GRID2: variants seen among roughly 807,000 people sequenced by gnomAD.
The protein encoded by GRID2 is glutamate ionotropic receptor delta type subunit 2.
Under a neutral mutation model 114.8 loss-of-function variants are expected in GRID2, and 33 were observed. The observed-to-expected ratio is 0.29, with a 90% confidence interval of 0.22 to 0.38. The LOEUF (loss-of-function observed/expected upper bound fraction) is 0.38. GRID2 is among the 10% of genes least tolerant of loss of function. The probability of loss-of-function intolerance (pLI) is 1.00; values close to 1 mark genes in which losing one functional copy is unlikely to be tolerated. For missense variants in GRID2, 1,184 were observed against 1,257.7 expected, an observed-to-expected ratio of 0.94 and a Z score of 0.89; for synonymous variants, 505 against 449.9, an observed-to-expected ratio of 1.12 and a Z score of -1.55.
At chr4:93,474,213 T>C (rs1725104001) in intron 11 of GRID2, among the ~76,000 whole-genome samples, 1 of 152,156 alleles carries the variant, frequency 6.6e-6, no homozygotes, top group East Asian at 1.9e-4. Flanking sequence ...GAGTTATCAC[T>C]AGAACATGAA....
intron 2 of GRID2, among the ~76,000 whole-genome samples, chr4:92,997,056 C>T (rs1285550216): frequency 2.6e-5 from 4 of 152,154 alleles, no homozygotes; most frequent in Non-Finnish European, 5.9e-5. Flanking sequence ...CAAAAAGCAT[C>T]ATCATGTTTG....
chr4:92,786,676 G>A (rs1201088135), intron 2 of GRID2, among the ~76,000 whole-genome samples: 1 of 151,670 alleles, frequency 6.6e-6, no homozygotes, highest in Non-Finnish European at 1.5e-5. Context: ...CATTATTTAG[G>A]GGTTTTAATT....
At chr4:92,317,337 G>A (rs1392016036) in intron 1 of GRID2, among the ~76,000 whole-genome samples, 3 of 152,218 alleles carry the variant, frequency 2.0e-5, no homozygotes, top group Non-Finnish European at 4.4e-5. Context: ...TTTACAAGTG[G>A]CATAACTATT....
intron 2 of GRID2, among the ~76,000 whole-genome samples, chr4:92,665,284 A>G (rs565855370): frequency 7.5e-5 from 10 of 132,650 alleles, no homozygotes; most frequent in Non-Finnish European, 1.7e-4. Context: ...TTTAACTTCA[A>G]TAACAAAAAA....
chr4:92,774,306 C>T (rs1005715909), intron 2 of GRID2, among the ~76,000 whole-genome samples: 3 of 152,088 alleles, frequency 2.0e-5, no homozygotes, highest in Admixed American at 6.6e-5. Context: ...CAACAACCCA[C>T]GGCCATGGGA....
At chr4:92,717,618 G>A (rs1735613047) in intron 2 of GRID2, among the ~76,000 whole-genome samples, 1 of 152,140 alleles carries the variant, frequency 6.6e-6, no homozygotes, top group Non-Finnish European at 1.5e-5. Context: ...TTTGAGTAAT[G>A]TAATAAATGT....
At chr4:92,518,988 A>T (rs1294655648) in intron 1 of GRID2, among the ~76,000 whole-genome samples, 1 of 151,892 alleles carries the variant, frequency 6.6e-6, no homozygotes, top group Non-Finnish European at 1.5e-5. Flanking sequence ...ATTTTCTGAC[A>T]CAGAGTTTTG....
At chr4:93,797,655 G>C (rs755433919) in intron 1 of GRID2, among the ~76,000 whole-genome samples, 24 of 152,070 alleles carry the variant, frequency 1.6e-4, no homozygotes, top group Non-Finnish European at 2.6e-4. Context: ...CAAGCTCAGA[G>C]TCAAGGCCCT....
intron 1 of GRID2, among the ~76,000 whole-genome samples, chr4:92,369,692 G>A (rs979764716): frequency 1.3e-5 from 2 of 152,112 alleles, no homozygotes; most frequent in Admixed American, 1.3e-4. Flanking sequence ...AGATGATGTT[G>A]TACATTTAGG....
At chr4:93,631,175 A>G (rs551095136) in intron 14 of GRID2, among the ~76,000 whole-genome samples, 2 of 151,694 alleles carry the variant, frequency 1.3e-5, no homozygotes, top group African/African-American at 4.8e-5. Flanking sequence ...AATGACACAC[A>G]CTTTTAACAA....
At chr4:93,008,532 C>A (rs1156728705) in intron 2 of GRID2, among the ~76,000 whole-genome samples, 1 of 151,902 alleles carries the variant, frequency 6.6e-6, no homozygotes, top group Non-Finnish European at 1.5e-5. Context: ...ACTGTTCCTG[C>A]AAGTTGTGTC....
intron 4 of GRID2, among the ~76,000 whole-genome samples, chr4:93,116,224 G>T (rs6849575): frequency 0.089 from 13,529 of 152,026 alleles, 987 homozygotes; most frequent in African/African-American, 0.2. Flanking sequence ...GTAAAAGTTC[G>T]TTCACTATTT....
intron 1 of GRID2, among the ~76,000 whole-genome samples, chr4:92,559,571 C>G (rs762489213): frequency 6.6e-6 from 1 of 152,102 alleles, no homozygotes; most frequent in Non-Finnish European, 1.5e-5. Flanking sequence ...ATCAACTTCA[C>G]CACTTTATTG....
intron 5 of GRID2, among the ~76,000 whole-genome samples, chr4:93,209,146 T>C (rs1282314313): frequency 6.6e-6 from 1 of 151,990 alleles, no homozygotes; most frequent in Non-Finnish European, 1.5e-5. Flanking sequence ...AGTTTGTATG[T>C]AGGTAAACTC....
intron 4 of GRID2, among the ~76,000 whole-genome samples, chr4:93,135,560 A>G (rs1735169764): frequency 6.6e-6 from 1 of 152,124 alleles, no homozygotes; most frequent in South Asian, 2.1e-4. Flanking sequence ...TCCTTCCTCT[A>G]CTGTATGATC....
At chr4:92,324,605 A>ACT (rs1398387860) in intron 1 of GRID2, among the ~76,000 whole-genome samples, 1 of 147,786 alleles carries the variant, frequency 6.8e-6, no homozygotes, top group East Asian at 2.0e-4. Flanking sequence ...AGACACACAC[A>ACT]CACACACACA....
At chr4:93,246,122 A>T (rs987906979) in intron 8 of GRID2, among the ~76,000 whole-genome samples, 8 of 152,298 alleles carry the variant, frequency 5.3e-5, no homozygotes, top group African/African-American at 1.9e-4. Flanking sequence ...TAATATCTAC[A>T]GTTGTATGGA....
At chr4:92,317,179 A>G (rs1397275979) in intron 1 of GRID2, among the ~76,000 whole-genome samples, 2 of 152,154 alleles carry the variant, frequency 1.3e-5, no homozygotes, top group Non-Finnish European at 2.9e-5. Flanking sequence ...CTGTTCTTTC[A>G]TATTACTAAT....
At chr4:92,497,030 A>G (rs1203416125) in intron 1 of GRID2, among the ~76,000 whole-genome samples, 1 of 151,792 alleles carries the variant, frequency 6.6e-6, no homozygotes, top group Non-Finnish European at 1.5e-5. Flanking sequence ...TATATAAGAA[A>G]GTCATAAATC....
Sources: allele counts gnomAD v4.1 joint callset (sites outside exome capture counted in the v4.1 genomes callset), GRCh38; gene constraint gnomAD v4.1.1; transcripts MANE v1.5; gene names NCBI Gene and HGNC (gene_info 2026-07-23, HGNC 2026-07-21).